Variants in STON1 observed in about 807,000 individuals in gnomAD.
STON1 encodes stonin 1, also known as stonin-1.
A neutral mutation model predicts 60.9 loss-of-function variants in STON1; 79 were observed. The observed-to-expected ratio is 1.30, with a 90% CI of 1.08 to 1.56. STON1 has a LOEUF of 1.56. STON1 is among the 40% of genes most tolerant of loss of function. The pLI is 0.00. For synonymous variants in STON1, 363 were observed against 306.9 expected (o/e 1.18, Z -1.91); for missense variants, 1,166 against 858.9 (o/e 1.36, Z -4.47).
At chr2:48,544,987 T>C (rs1461468334) in intron 1 of STON1, among the ~76,000 whole-genome samples, 1 of 152,222 alleles carries the variant, frequency 6.6e-6, no homozygotes, top group Non-Finnish European at 1.5e-5. Context: ...CATTTGTGGC[T>C]TGAGGCAGAG....
chr2:48,561,772 G>A (rs1018547919), intron 1 of STON1, among the ~76,000 whole-genome samples: 1 of 152,198 alleles, frequency 6.6e-6, no homozygotes, highest in Non-Finnish European at 1.5e-5. Flanking sequence ...GTAATGCTAA[G>A]TCCTGGGTGG....
intron 1 of STON1, among the ~76,000 whole-genome samples, chr2:48,577,704 C>A (rs955162666): frequency 6.6e-6 from 1 of 151,766 alleles, no homozygotes; most frequent in South Asian, 2.1e-4. Flanking sequence ...CTACCTCCAC[C>A]TCCTGGGTTC....
intron 1 of STON1, among the ~76,000 whole-genome samples, chr2:48,578,585 T>C (rs1272686471): frequency 1.1e-4 from 14 of 124,038 alleles, no homozygotes; most frequent in Non-Finnish European, 1.9e-4. Flanking sequence ...TCCTTCCTTT[T>C]TTTTTTTTTT....
At chr2:48,553,158 C>T (rs1319569378) in intron 1 of STON1, among the ~76,000 whole-genome samples, 1 of 152,098 alleles carries the variant, frequency 6.6e-6, no homozygotes, top group South Asian at 2.1e-4. Flanking sequence ...ATGGTCAGAG[C>T]AGTGACAGCG....
intron 1 of STON1, among the ~76,000 whole-genome samples, chr2:48,541,168 T>C (rs968094742): frequency 8.0e-5 from 12 of 150,910 alleles, no homozygotes; most frequent in Middle Eastern, 3.5e-3. Context: ...CTGGCCAACA[T>C]GGTGAAACCC....
chr2:48,550,690 T>G (rs964775918), intron 1 of STON1, among the ~76,000 whole-genome samples: 10 of 151,596 alleles, frequency 6.6e-5, no homozygotes, highest in African/African-American at 1.9e-4. Context: ...TCAAGGATGA[T>G]AACTGGTTAG....
intron 1 of STON1, among the ~76,000 whole-genome samples, chr2:48,547,472 G>C (rs1028914129): frequency 1.6e-4 from 24 of 152,218 alleles, no homozygotes; most frequent in Admixed American, 3.3e-4. Context: ...ATAGAGCTAC[G>C]AGGCATGGCC....
intron 1 of STON1, among the ~76,000 whole-genome samples, chr2:48,562,965 G>A (rs1672670979): frequency 6.6e-6 from 1 of 152,244 alleles, no homozygotes; most frequent in Non-Finnish European, 1.5e-5. Context: ...CAAGAGTTCA[G>A]TGATACTTAC....
intron 1 of STON1, among the ~76,000 whole-genome samples, chr2:48,569,607 G>A (rs1673101408): frequency 6.6e-6 from 1 of 152,240 alleles, no homozygotes; most frequent in South Asian, 2.1e-4. Context: ...CTCTTTCCTT[G>A]AAAAAGCTTC....
At chr2:48,562,277 C>G (rs1195260222) in intron 1 of STON1, among the ~76,000 whole-genome samples, 1 of 152,190 alleles carries the variant, frequency 6.6e-6, no homozygotes, top group East Asian at 1.9e-4. Flanking sequence ...TCAGAACACA[C>G]TGGGATTGAA....
intron 1 of STON1, among the ~76,000 whole-genome samples, chr2:48,575,759 G>A (rs188314488): frequency 8.9e-6 from 1 of 111,830 alleles, no homozygotes; most frequent in African/African-American, 3.2e-5. Context: ...GTTTTTGTTT[G>A]TTTTTTTTTT....
intron 3 of STON1, among the ~76,000 whole-genome samples, chr2:48,593,739 A>G (rs1056751629): frequency 6.6e-6 from 1 of 152,196 alleles, no homozygotes; most frequent in African/African-American, 2.4e-5. Context: ...GACATCGCTA[A>G]TATCAACTGG....
intron 1 of STON1, among the ~76,000 whole-genome samples, chr2:48,567,448 G>C (rs191181402): frequency 2.0e-5 from 3 of 152,248 alleles, no homozygotes; most frequent in Admixed American, 2.0e-4. Flanking sequence ...GTCTTGCCCT[G>C]TCATCCAGGC....
In STON1 at chr2:48,580,969, C is replaced by T. The variant is rs1673844701; in HGVS notation, c.336C>T (p.Ser112=). Residue 112 remains serine (S), a synonymous_variant, in exon 2 of 4, where the codon AGC becomes AGT. Coordinates refer to ENST00000404752, the MANE Select transcript of STON1 (RefSeq NM_006873.4). ...CTATTCCAGAATCATCTTCAGACAG[C>T]CCACTCGCAATATCAGGAGGAGAAT... ...LYPIPESSSD[S]PLAISGGESS... The T allele has an allele frequency of 6.3e-7, 1 of 1,580,280 alleles. No homozygotes were observed.
chr2:48,569,505 A>C (rs1673097488), intron 1 of STON1, among the ~76,000 whole-genome samples: 1 of 152,226 alleles, frequency 6.6e-6, no homozygotes, highest in Non-Finnish European at 1.5e-5. Flanking sequence ...AGACCATTTA[A>C]AATTATTCAA....
chr2:48,534,933 T>C (rs1159502673), intron 1 of STON1, among the ~76,000 whole-genome samples: 2 of 152,166 alleles, frequency 1.3e-5, no homozygotes, highest in African/African-American at 4.8e-5. Flanking sequence ...CACCCCTTCC[T>C]TGCAAACCAG....
intron 1 of STON1, among the ~76,000 whole-genome samples, chr2:48,544,746 C>T (rs961214111): frequency 6.6e-5 from 10 of 152,230 alleles, no homozygotes; most frequent in Admixed American, 5.2e-4. Flanking sequence ...GGGGTTTCAC[C>T]GTGCTGGCCA....
In STON1 at chr2:48,595,296, T is replaced by C; in HGVS notation, c.2202T>C (p.Thr734=). The C allele has an allele frequency of 6.2e-7, 1 of 1,613,288 alleles. No homozygotes were observed. The highest frequency in any genetic ancestry group is 8.5e-7 in the Non-Finnish European group (1 of 1,179,374). ...EDPDKIGDCI[T]Q ...CAGATAAAATTGGTGACTGCATAAC[T>C]CAGTAGGAGTAGCAAGAGTTTATGA... The change falls in exon 4 of 4, where the codon ACT becomes ACC. Residue 734 remains threonine (T), a synonymous_variant. Transcript: ENST00000404752.
chr2:48,539,229 C>T (rs1671557670), intron 1 of STON1, among the ~76,000 whole-genome samples: 1 of 151,812 alleles, frequency 6.6e-6, no homozygotes, highest in Non-Finnish European at 1.5e-5. Context: ...TTTTTTTATT[C>T]TTAATATTGT....
Sources: gnomAD v4.1 joint callset for allele counts (sites outside exome capture counted in the v4.1 genomes callset) on GRCh38, gnomAD v4.1.1 for gene constraint, MANE v1.5 for transcripts, NCBI Gene and HGNC (gene_info 2026-07-23, HGNC 2026-07-21) for gene names.